EMSY: variants seen among roughly 807,000 people sequenced by gnomAD.
The protein encoded by EMSY is BRCA2-interacting transcriptional repressor EMSY.
In EMSY, 26 loss-of-function variants were observed where a neutral mutation model predicts 134.6. The ratio of observed to expected loss-of-function variants is 0.19; its 90% CI spans 0.14 to 0.27. The LOEUF is 0.27. Among genes scored for constraint, EMSY ranks in the 10% least tolerant of loss-of-function variants. The pLI is 1.00. For missense variants in EMSY, 1,305 were observed against 1,611.4 expected (o/e 0.81, Z 3.26); for synonymous variants, 579 against 577.8 (o/e 1.00, Z -0.03).
At chr11:76,537,052 T>A (rs894179247) in intron 15 of EMSY, among the ~76,000 whole-genome samples, 1 of 152,216 alleles carries the variant, frequency 6.6e-6, no homozygotes, top group African/African-American at 2.4e-5. Context: ...TGGTTAATCC[T>A]TCTGTCGGTG....
intron 7 of EMSY, among the ~76,000 whole-genome samples, chr11:76,469,157 T>G (rs183056969): frequency 1.3e-5 from 2 of 152,320 alleles, no homozygotes; most frequent in East Asian, 1.9e-4. Flanking sequence ...AGTTTTGTCT[T>G]AATGTTAAAG....
intron 7 of EMSY, among the ~76,000 whole-genome samples, chr11:76,472,323 T>A (rs1166107903): frequency 6.6e-6 from 1 of 152,222 alleles, no homozygotes; most frequent in Non-Finnish European, 1.5e-5. Context: ...TACTTTCCTG[T>A]ATCTTATACA....
At chr11:76,523,129 C>G (rs1324801102) in intron 11 of EMSY, 26 bp from the exon 13 acceptor site, 1 of 1,597,326 alleles carries the variant, frequency 6.3e-7, no homozygotes. Flanking sequence ...TTAACTCAGG[C>G]CTCCTTTTCT....
At chr11:76,462,926 A>G (rs981857905) in intron 6 of EMSY, among the ~76,000 whole-genome samples, 1 of 152,232 alleles carries the variant, frequency 6.6e-6, no homozygotes, top group African/African-American at 2.4e-5. Flanking sequence ...GAGGGTAGAT[A>G]GAAGTGGACA....
intron 14 of EMSY, among the ~76,000 whole-genome samples, chr11:76,535,182 T>C (rs1433606298): frequency 2.0e-5 from 3 of 152,294 alleles, no homozygotes; most frequent in South Asian, 2.1e-4. Context: ...AGAAATTCTA[T>C]GAGGAAGAGA....
chr11:76,516,189 C>T (rs1015568567), exon 11 of EMSY: 1 of 1,613,780 alleles, frequency 6.2e-7, no homozygotes, highest in African/African-American at 1.3e-5. Context: ...ATCCATTGGT[C>T]GGATGGCTGC....
chr11:76,487,037 G>A (rs944936225), intron 8 of EMSY, among the ~76,000 whole-genome samples: 5 of 152,234 alleles, frequency 3.3e-5, no homozygotes, highest in African/African-American at 9.6e-5. Flanking sequence ...CAGCACTTTG[G>A]GAGGCTGAGG....
intron 8 of EMSY, 60 bp downstream of exon 9, chr11:76,472,900 CT>C: frequency 6.4e-7 from 1 of 1,562,560 alleles, no homozygotes; most frequent in Non-Finnish European, 8.8e-7. Flanking sequence ...TTGAAGAAAA[CT>C]TGGTGGGTAT....
chr11:76,530,912 C>A (rs928500732), intron 14 of EMSY, among the ~76,000 whole-genome samples: 1 of 152,098 alleles, frequency 6.6e-6, no homozygotes, highest in African/African-American at 2.4e-5. Flanking sequence ...TTTTTAGCCA[C>A]TTTTTTCTTT....
intron 9 of EMSY, among the ~76,000 whole-genome samples, chr11:76,499,444 C>T (rs547563532): frequency 6.6e-6 from 1 of 151,746 alleles, no homozygotes; most frequent in East Asian, 1.9e-4. Context: ...CCTGCCACCA[C>T]ACCCGGCTAA....
At chr11:76,549,831 G>GTAGT in intron 20 of EMSY, 121 bp from the exon 22 acceptor site, 1 of 804,756 alleles carries the variant, frequency 1.2e-6, no homozygotes, top group Non-Finnish European at 1.9e-6. Flanking sequence ...CTGGCATGTA[G>GTAGT]TAGTTGTCCA....
exon 6 of EMSY, chr11:76,460,000 C>T: frequency 6.2e-7 from 1 of 1,614,154 alleles, no homozygotes; most frequent in Non-Finnish European, 8.5e-7. Context: ...CAAGTGGCAG[C>T]ATAGCAACGG....
chr11:76,496,264 C>G lies in EMSY; in HGVS notation c.1158C>G (p.Pro386=), dbSNP rs767326969. ...TGGCATCAACCAGACTTCCTTCCCCCAAAAGCTTAGTGAGTGCCCCAACTC... is the reference window on the plus strand; with the variant it reads ...TGGCATCAACCAGACTTCCTTCCCCGAAAAGCTTAGTGAGTGCCCCAACTC... The change falls in exon 9 of 21, where the codon CCC becomes CCG. Residue 386 remains proline (P), a synonymous_variant. Transcript: ENST00000334736. 3.8e-5 allele frequency: 61 copies of G among 1,614,134 alleles called. No homozygotes were observed. In the Middle Eastern group the frequency reaches 4.9e-4, roughly 13 times the overall value.
At chr11:76,483,471 G>A (rs1949061353) in intron 8 of EMSY, among the ~76,000 whole-genome samples, 1 of 152,150 alleles carries the variant, frequency 6.6e-6, no homozygotes, top group Non-Finnish European at 1.5e-5. Context: ...ATTGGATAGA[G>A]AGTCAAGACC....
At chr11:76,458,851 A>G (rs1202082866) in intron 5 of EMSY, 1 of 152,410 alleles carries the variant, frequency 6.6e-6, no homozygotes, top group Non-Finnish European at 1.5e-5. Context: ...TAATTGACAC[A>G]TGCTTTAAAA....
exon 20 of EMSY, chr11:76,545,812 A>T (rs1001215116): frequency 6.2e-7 from 1 of 1,606,748 alleles, no homozygotes; most frequent in South Asian, 1.1e-5. Flanking sequence ...GCAGCCAATT[A>T]TAACCCAAGG....
At chr11:76,478,566 C>A (rs1404657553) in intron 8 of EMSY, among the ~76,000 whole-genome samples, 1 of 151,878 alleles carries the variant, frequency 6.6e-6, no homozygotes, top group Non-Finnish European at 1.5e-5. Context: ...TGGCCTTGAA[C>A]TCCTGACCTC....
chr11:76,523,131 T>G (rs777207330), intron 11 of EMSY, 24 bp from the exon 13 acceptor site: 2 of 1,598,820 alleles, frequency 1.3e-6, no homozygotes, highest in Non-Finnish European at 1.7e-6. Context: ...AACTCAGGCC[T>G]CCTTTTCTTC....
intron 10 of EMSY, among the ~76,000 whole-genome samples, chr11:76,514,314 T>G (rs1041069941): frequency 6.6e-6 from 1 of 152,164 alleles, no homozygotes; most frequent in Non-Finnish European, 1.5e-5. Flanking sequence ...TACCGTTATT[T>G]TAAATGTATG....
Sources: allele counts gnomAD v4.1 joint callset (sites outside exome capture counted in the v4.1 genomes callset), GRCh38; gene constraint gnomAD v4.1.1; transcripts MANE v1.5; gene names NCBI Gene and HGNC (gene_info 2026-07-23, HGNC 2026-07-21).